GRM7: variants seen among roughly 807,000 people sequenced by gnomAD.
GRM7 encodes the protein glutamate metabotropic receptor 7, also known as metabotropic glutamate receptor 7.
GRM7 carries 35 observed loss-of-function variants against 84.5 expected under a neutral mutation model. That is an observed-to-expected ratio of 0.41 (90% CI 0.32 to 0.55). GRM7 has a LOEUF of 0.55. GRM7 is among the 20% of genes least tolerant of loss of function. The pLI, the probability that GRM7 is intolerant of heterozygous loss-of-function variation, is 0.19. For synonymous variants in GRM7, 487 were observed against 455.1 expected, an observed-to-expected ratio of 1.07 and a Z score of -0.89; for missense variants, 1,003 against 1,194.6, an observed-to-expected ratio of 0.84 and a Z score of 2.36.
chr3:7,040,434 C>G (rs1696555003), intron 1 of GRM7, among the ~76,000 whole-genome samples: 1 of 152,014 alleles, frequency 6.6e-6, no homozygotes, highest in Non-Finnish European at 1.5e-5. Flanking sequence ...TTCCGAGTAG[C>G]TGGGACTACA....
chr3:6,922,418 A>G (rs1019527724), intron 1 of GRM7, among the ~76,000 whole-genome samples: 1 of 152,188 alleles, frequency 6.6e-6, no homozygotes, highest in Admixed American at 6.5e-5. Flanking sequence ...GCATTCTCCA[A>G]CTGTAATACT....
intron 5 of GRM7, among the ~76,000 whole-genome samples, chr3:7,437,483 TCA>T (rs1258018772): frequency 6.6e-6 from 1 of 152,138 alleles, no homozygotes; most frequent in Non-Finnish European, 1.5e-5. Flanking sequence ...ACCACATGCC[TCA>T]GTTTTTTAGA....
chr3:7,353,388 T>C (rs1041587880), intron 4 of GRM7, among the ~76,000 whole-genome samples: 1 of 152,074 alleles, frequency 6.6e-6, no homozygotes, highest in African/African-American at 2.4e-5. Context: ...AATGTATTGA[T>C]ATGGGCCCAC....
intron 1 of GRM7, among the ~76,000 whole-genome samples, chr3:7,143,470 A>G (rs1439364092): frequency 6.6e-6 from 1 of 152,162 alleles, no homozygotes; most frequent in African/African-American, 2.4e-5. Flanking sequence ...GATAGAGGGT[A>G]TACACATGAT....
intron 8 of GRM7, among the ~76,000 whole-genome samples, chr3:7,615,915 GTATTTA>G (rs1697057592): frequency 6.6e-6 from 1 of 151,788 alleles, no homozygotes; most frequent in South Asian, 2.1e-4. Flanking sequence ...AGCATATAAC[GTATTTA>G]TATATACTTG....
intron 2 of GRM7, among the ~76,000 whole-genome samples, chr3:7,252,196 A>T (rs957026637): frequency 2.6e-5 from 4 of 152,210 alleles, no homozygotes; most frequent in Admixed American, 2.0e-4. Flanking sequence ...TTTGTTACCG[A>T]GAGGCAAGTG....
At chr3:7,327,728 C>G (rs1268175290) in intron 4 of GRM7, among the ~76,000 whole-genome samples, 1 of 152,132 alleles carries the variant, frequency 6.6e-6, no homozygotes, top group Non-Finnish European at 1.5e-5. Context: ...TTCCTGAGCC[C>G]TATAACACGA....
intron 8 of GRM7, among the ~76,000 whole-genome samples, chr3:7,597,529 T>C (rs1336382853): frequency 6.6e-6 from 1 of 152,160 alleles, no homozygotes; most frequent in African/African-American, 2.4e-5. Flanking sequence ...AGCAGACTGT[T>C]CCATGATCTT....
At chr3:6,964,897 CT>C (rs1460582977) in intron 1 of GRM7, among the ~76,000 whole-genome samples, 1 of 152,168 alleles carries the variant, frequency 6.6e-6, no homozygotes, top group East Asian at 1.9e-4. Flanking sequence ...TCACTTGTCT[CT>C]TTTTTTCTGT....
intron 9 of GRM7, among the ~76,000 whole-genome samples, chr3:7,717,828 T>C (rs560764569): frequency 6.6e-6 from 1 of 152,336 alleles, no homozygotes; most frequent in South Asian, 2.1e-4. Context: ...GGACAAACTC[T>C]GTTCTCTGCT....
chr3:7,538,162 T>C (rs1157540197), intron 7 of GRM7, among the ~76,000 whole-genome samples: 1 of 152,140 alleles, frequency 6.6e-6, no homozygotes, highest in Non-Finnish European at 1.5e-5. Context: ...CAGGCTGGAG[T>C]GCAATGACAC....
chr3:7,403,707 A>G (rs1191651806), intron 4 of GRM7, among the ~76,000 whole-genome samples: 3 of 145,896 alleles, frequency 2.1e-5, no homozygotes, highest in Non-Finnish European at 4.5e-5. Context: ...GTATATATAC[A>G]CAAAAGAATG....
intron 5 of GRM7, among the ~76,000 whole-genome samples, chr3:7,421,879 C>G (rs1696409650): frequency 1.4e-5 from 2 of 145,788 alleles, no homozygotes; most frequent in South Asian, 4.3e-4. Context: ...AGGGCCAAAT[C>G]CCAGGCAACA....
chr3:7,194,414 G>T (rs1337659438), intron 2 of GRM7, among the ~76,000 whole-genome samples: 1 of 152,170 alleles, frequency 6.6e-6, no homozygotes, highest in African/African-American at 2.4e-5. Context: ...AACATTAAAT[G>T]ATACTATGAT....
chr3:7,717,902 A>G (rs980686715), intron 9 of GRM7, among the ~76,000 whole-genome samples: 1 of 152,228 alleles, frequency 6.6e-6, no homozygotes, highest in South Asian at 2.1e-4. Flanking sequence ...ATGGTAGTAC[A>G]TTTCAGAAGA....
At chr3:7,694,205 C>T (rs1575641700) in intron 9 of GRM7, among the ~76,000 whole-genome samples, 1 of 152,138 alleles carries the variant, frequency 6.6e-6, no homozygotes, top group Non-Finnish European at 1.5e-5. Context: ...TAAATTTCCT[C>T]ATCTGCAAAA....
chr3:7,710,127 G>T (rs192814688), intron 9 of GRM7, among the ~76,000 whole-genome samples: 2 of 151,892 alleles, frequency 1.3e-5, no homozygotes, highest in Non-Finnish European at 2.9e-5. Context: ...TACTATAAAA[G>T]GTATACTGTT....
chr3:7,384,607 G>C (rs1197952479), intron 4 of GRM7, among the ~76,000 whole-genome samples: 1 of 152,158 alleles, frequency 6.6e-6, no homozygotes, highest in Non-Finnish European at 1.5e-5. Context: ...CATTATGAAT[G>C]AGATACTTTA....
chr3:6,935,677 A>AAATATTATTATT (rs375035491), intron 1 of GRM7, among the ~76,000 whole-genome samples: 5,496 of 142,438 alleles, frequency 0.039, 156 homozygotes, highest in Non-Finnish European at 0.059. Flanking sequence ...CTTATTTTTA[A>AAATATTATTATT]ATTATTATTA....
Sources: gnomAD v4.1 joint callset for allele counts (sites outside exome capture counted in the v4.1 genomes callset) on GRCh38, gnomAD v4.1.1 for gene constraint, MANE v1.5 for transcripts, NCBI Gene and HGNC (gene_info 2026-07-23, HGNC 2026-07-21) for gene names.